Variants in LRRTM4 observed in about 807,000 individuals in gnomAD.
LRRTM4 encodes leucine rich repeat transmembrane neuronal 4.
In LRRTM4, 25 loss-of-function variants were observed where a neutral mutation model predicts 47.6. The observed-to-expected ratio is 0.53, with a 90% confidence interval of 0.38 to 0.73. The LOEUF is 0.73. Ranked by LOEUF, LRRTM4 falls within the 30% of genes least tolerant of loss-of-function variation. LRRTM4 has a pLI of 0.00. For synonymous variants in LRRTM4, 311 were observed against 269.5 expected, an observed-to-expected ratio of 1.15 and a Z score of -1.51; for missense variants, 638 against 713.4, an observed-to-expected ratio of 0.89 and a Z score of 1.20.
chr2:77,226,548 T>C (rs967763302), intron 3 of LRRTM4, among the ~76,000 whole-genome samples: 1 of 92,662 alleles, frequency 1.1e-5, no homozygotes, highest in Non-Finnish European at 1.7e-5. Flanking sequence ...CATATATATA[T>C]ATATATATAT....
intron 3 of LRRTM4, among the ~76,000 whole-genome samples, chr2:77,008,368 A>G (rs1677738532): frequency 6.6e-6 from 1 of 152,168 alleles, no homozygotes; most frequent in African/African-American, 2.4e-5. Context: ...CAAATTCCTA[A>G]AAGCAGAATC....
chr2:76,999,470 AG>A (rs1190047094), intron 3 of LRRTM4, among the ~76,000 whole-genome samples: 1 of 151,252 alleles, frequency 6.6e-6, no homozygotes, highest in East Asian at 1.9e-4. Context: ...AGCGTTGGTG[AG>A]GAGTTTGCAA....
At chr2:77,147,338 C>T (rs183333587) in intron 3 of LRRTM4, among the ~76,000 whole-genome samples, 3 of 152,202 alleles carry the variant, frequency 2.0e-5, no homozygotes, top group African/African-American at 7.2e-5. Context: ...TCAGCTCAGA[C>T]AATAAAACAT....
rs187043290 is a variant in LRRTM4 at position 77,456,487 on chromosome 2, T to C, written c.1551+61831A>G. 6.4e-4 allele frequency among the ~76,000 whole-genome samples: 97 copies of C among 152,302 alleles called. 1 individual carries two copies. The highest frequency in any genetic ancestry group is 2.2e-3 in the African/African-American group (91 of 41,574). On this transcript the variant is annotated intron_variant, in intron 3 of 3. Coordinates refer to ENST00000409884, the MANE Select transcript of LRRTM4 (RefSeq NM_001134745.3). ...AATAGTTTCTATTCCTTTTGACTCA[T>C]TCATTGACTTCACTCTTGAGTTTAT...
At chr2:77,386,161 G>C (rs619530) in intron 3 of LRRTM4, among the ~76,000 whole-genome samples, 1 of 151,612 alleles carries the variant, frequency 6.6e-6, no homozygotes, top group Non-Finnish European at 1.5e-5. Flanking sequence ...AAAAATAATC[G>C]CATTTGAAGA....
intron 3 of LRRTM4, among the ~76,000 whole-genome samples, chr2:76,787,758 A>C (rs1674755524): frequency 6.6e-6 from 1 of 152,090 alleles, no homozygotes; most frequent in African/African-American, 2.4e-5. Context: ...ATCTAAAAAC[A>C]ATATAGATAT....
intron 3 of LRRTM4, among the ~76,000 whole-genome samples, chr2:76,851,225 C>G (rs1671983397): frequency 6.6e-6 from 1 of 152,172 alleles, no homozygotes; most frequent in Non-Finnish European, 1.5e-5. Context: ...TCAAGGCTCA[C>G]AGCATCTTTT....
chr2:76,978,510 C>T (rs1260353849), intron 3 of LRRTM4, among the ~76,000 whole-genome samples: 27 of 152,060 alleles, frequency 1.8e-4, no homozygotes. Context: ...TAGCTTAAGG[C>T]TATTGCATTT....
chr2:77,035,974 A>G (rs546013344), intron 3 of LRRTM4, among the ~76,000 whole-genome samples: 11 of 151,932 alleles, frequency 7.2e-5, no homozygotes. Context: ...AGAGTGTTAC[A>G]GTGTCTTACT....
At chr2:76,965,917 C>T (rs1239772273) in intron 3 of LRRTM4, among the ~76,000 whole-genome samples, 5 of 151,370 alleles carry the variant, frequency 3.3e-5, no homozygotes, top group Non-Finnish European at 7.4e-5. Flanking sequence ...TGCCTTTGTA[C>T]ACCCTCATAA....
intron 3 of LRRTM4, among the ~76,000 whole-genome samples, chr2:77,440,221 T>C (rs957507699): frequency 7.9e-5 from 12 of 152,070 alleles, no homozygotes; most frequent in African/African-American, 2.4e-4. Context: ...GAGACCATCC[T>C]GGCTAACACG....
chr2:76,844,285 C>A (rs899751641), intron 3 of LRRTM4, among the ~76,000 whole-genome samples: 2 of 151,902 alleles, frequency 1.3e-5, no homozygotes, highest in Non-Finnish European at 2.9e-5. Flanking sequence ...CAGACGCATG[C>A]CACCACGCCC....
intron 3 of LRRTM4, among the ~76,000 whole-genome samples, chr2:76,794,075 C>T (rs762878669): frequency 2.0e-5 from 3 of 152,134 alleles, no homozygotes; most frequent in Non-Finnish European, 2.9e-5. Context: ...ATTGTAAAAG[C>T]GGTTGTCAGT....
chr2:77,187,124 A>G (rs1866565), intron 3 of LRRTM4, among the ~76,000 whole-genome samples: 105,668 of 151,906 alleles, frequency 0.7, 37,454 homozygotes, highest in African/African-American at 0.85. Context: ...CAGGGCCACC[A>G]TATTCAGAAA....
chr2:76,781,196 C>G (rs906380307), intron 3 of LRRTM4, among the ~76,000 whole-genome samples: 1 of 152,252 alleles, frequency 6.6e-6, no homozygotes, highest in Admixed American at 6.5e-5. Context: ...GAGGTTACTG[C>G]TGTCTTTTTG....
At chr2:77,084,291 A>G (rs1680636276) in intron 3 of LRRTM4, among the ~76,000 whole-genome samples, 1 of 152,092 alleles carries the variant, frequency 6.6e-6, no homozygotes, top group African/African-American at 2.4e-5. Flanking sequence ...TGGCTAGGCT[A>G]GTTGCAACCA....
intron 3 of LRRTM4, among the ~76,000 whole-genome samples, chr2:77,418,903 T>C (rs955910148): frequency 3.9e-5 from 6 of 152,182 alleles, no homozygotes; most frequent in African/African-American, 1.4e-4. Flanking sequence ...GCTTCCACTA[T>C]ACAATGGCAT....
chr2:76,969,359 C>T (rs189414123), intron 3 of LRRTM4, among the ~76,000 whole-genome samples: 110 of 151,820 alleles, frequency 7.2e-4, no homozygotes, highest in Admixed American at 2.0e-3. Context: ...GACATGGAGA[C>T]GGAAAAATTC....
intron 3 of LRRTM4, among the ~76,000 whole-genome samples, chr2:77,439,066 A>G (rs1039618386): frequency 6.6e-6 from 1 of 152,176 alleles, no homozygotes; most frequent in African/African-American, 2.4e-5. Context: ...CTTTCTTAGA[A>G]AGTAAGTAAC....
Sources: gnomAD v4.1 joint callset for allele counts (sites outside exome capture counted in the v4.1 genomes callset) on GRCh38, gnomAD v4.1.1 for gene constraint, MANE v1.5 for transcripts, NCBI Gene and HGNC (gene_info 2026-07-23, HGNC 2026-07-21) for gene names.